The following GRID2 variants were observed in gnomAD, a reference collection of about 807,000 sequenced individuals.
GRID2 encodes the protein glutamate receptor ionotropic, delta-2.
GRID2 carries 33 observed loss-of-function variants against 114.8 expected under a neutral mutation model. The observed-to-expected ratio is 0.29, with a 90% CI of 0.22 to 0.38. GRID2 has a LOEUF of 0.38. GRID2 is among the 10% of genes least tolerant of loss of function. GRID2 has a pLI of 1.00. For missense variants in GRID2, 1,184 were observed against 1,257.7 expected (o/e 0.94, Z 0.89); for synonymous variants, 505 against 449.9 (o/e 1.12, Z -1.55).
At chr4:92,476,670 C>T (rs1044508001) in intron 1 of GRID2, among the ~76,000 whole-genome samples, 2 of 152,072 alleles carry the variant, frequency 1.3e-5, no homozygotes, top group African/African-American at 4.8e-5. Context: ...TAACCACTAA[C>T]TAAAGAAAAA....
At chr4:92,844,002 A>G (rs10155207) in intron 2 of GRID2, among the ~76,000 whole-genome samples, 4,665 of 152,226 alleles carry the variant, frequency 0.031, 108 homozygotes, top group Non-Finnish European at 0.046. Flanking sequence ...TTATTATATA[A>G]TATCAAATCC....
chr4:92,826,853 G>A (rs1741741391), intron 2 of GRID2, among the ~76,000 whole-genome samples: 1 of 152,010 alleles, frequency 6.6e-6, no homozygotes, highest in Admixed American at 6.6e-5. Context: ...TTATAGACTG[G>A]TAATTGGTTT....
chr4:93,376,797 C>A (rs1763422351), intron 8 of GRID2, among the ~76,000 whole-genome samples: 1 of 152,230 alleles, frequency 6.6e-6, no homozygotes, highest in East Asian at 1.9e-4. Context: ...GAAAGGGGAA[C>A]AACACACACT....
intron 2 of GRID2, among the ~76,000 whole-genome samples, chr4:92,932,441 C>CT (rs1286050162): frequency 6.6e-6 from 1 of 151,118 alleles, no homozygotes; most frequent in African/African-American, 2.4e-5. Flanking sequence ...CAATTGTAAA[C>CT]TATAGCTCCC....
intron 6 of GRID2, among the ~76,000 whole-genome samples, chr4:93,218,670 T>A (rs1744518558): frequency 1.3e-5 from 2 of 152,154 alleles, no homozygotes; most frequent in South Asian, 4.1e-4. Flanking sequence ...AAGTAAATCT[T>A]CTGAAGCCTT....
Position 93,429,903 on chromosome 4 carries a change from G to A in GRID2, c.1545+6935G>A, listed in dbSNP as rs868538686. Reference sequence around the variant, plus strand: ...ATGAGAGTAAAGAATGTTTTTGAAAGTAGACATATAATATTGGAGTATAAT... The same window carrying A: ...ATGAGAGTAAAGAATGTTTTTGAAAATAGACATATAATATTGGAGTATAAT... On this transcript the variant is annotated intron_variant, in intron 10 of 15. Coordinates refer to ENST00000282020, the MANE Select transcript of GRID2 (RefSeq NM_001510.4). Among the ~76,000 whole-genome samples, 8 of 152,172 alleles carry A rather than the reference G, an allele frequency of 5.3e-5. No individual in the cohort carries two copies. The South Asian group carries it at 1.7e-3, about 32-fold the overall frequency.
chr4:93,208,017 C>T (rs1037554954), intron 5 of GRID2, among the ~76,000 whole-genome samples: 29 of 151,740 alleles, frequency 1.9e-4, no homozygotes, highest in African/African-American at 6.5e-4. Flanking sequence ...AACCTAAAAG[C>T]CCTGGGAAAT....
At chr4:92,472,081 C>G (rs1203217411) in intron 1 of GRID2, among the ~76,000 whole-genome samples, 1 of 116,726 alleles carries the variant, frequency 8.6e-6, no homozygotes, top group Non-Finnish European at 1.8e-5. Flanking sequence ...CTACAGGCGC[C>G]CGCCACTACG....
chr4:92,935,221 A>G (rs1271080369), intron 2 of GRID2, among the ~76,000 whole-genome samples: 8 of 146,328 alleles, frequency 5.5e-5, no homozygotes, highest in Non-Finnish European at 1.2e-4. Context: ...AAAAGTGGGC[A>G]AAGGACATGA....
chr4:93,497,034 C>G (rs1016828602), intron 12 of GRID2, among the ~76,000 whole-genome samples: 1 of 151,406 alleles, frequency 6.6e-6, no homozygotes, highest in Admixed American at 6.6e-5. Context: ...GCATCTGTGT[C>G]AGCATTTGGT....
intron 13 of GRID2, among the ~76,000 whole-genome samples, chr4:93,625,130 T>G (rs1011269157): frequency 3.9e-5 from 6 of 152,188 alleles, no homozygotes; most frequent in African/African-American, 1.4e-4. Context: ...ACTTGCAGCT[T>G]TCATTTAGAA....
At chr4:93,017,806 G>GAAA (rs796967580) in intron 2 of GRID2, among the ~76,000 whole-genome samples, 2 of 49,306 alleles carry the variant, frequency 4.1e-5, no homozygotes, top group African/African-American at 7.0e-5. Flanking sequence ...TCCTTTTCAA[G>GAAA]AAAAAAAAAA....
intron 1 of GRID2, among the ~76,000 whole-genome samples, chr4:92,435,080 C>T (rs998442671): frequency 6.6e-6 from 1 of 152,098 alleles, no homozygotes; most frequent in African/African-American, 2.4e-5. Flanking sequence ...TTCATTTACA[C>T]AGGATTATGT....
chr4:93,671,283 G>A (rs1724389012), intron 14 of GRID2, among the ~76,000 whole-genome samples: 1 of 152,146 alleles, frequency 6.6e-6, no homozygotes, highest in South Asian at 2.1e-4. Context: ...TGTAAATGGA[G>A]GGATTTCCCT....
chr4:92,945,289 A>G (rs1751539989), intron 2 of GRID2, among the ~76,000 whole-genome samples: 1 of 152,166 alleles, frequency 6.6e-6, no homozygotes, highest in African/African-American at 2.4e-5. Flanking sequence ...ATTTTCTCTC[A>G]GAGTTTTAAA....
chr4:92,433,758 G>A (rs937075692), intron 1 of GRID2, among the ~76,000 whole-genome samples: 3 of 152,124 alleles, frequency 2.0e-5, no homozygotes, highest in Non-Finnish European at 4.4e-5. Flanking sequence ...CCTGTGGGGA[G>A]GATGAATACT....
At chr4:93,285,258 C>A (rs866305015) in intron 8 of GRID2, among the ~76,000 whole-genome samples, 4 of 152,076 alleles carry the variant, frequency 2.6e-5, no homozygotes, top group Admixed American at 6.6e-5. Context: ...CCTTTAAAGA[C>A]CAACTTTTTC....
chr4:93,137,771 A>T (rs1212136343), intron 4 of GRID2, among the ~76,000 whole-genome samples: 1 of 152,118 alleles, frequency 6.6e-6, no homozygotes, highest in Non-Finnish European at 1.5e-5. Flanking sequence ...ACATTTTATC[A>T]TGAAATCAAA....
At chr4:92,715,670 C>T (rs895787587) in intron 2 of GRID2, among the ~76,000 whole-genome samples, 3 of 152,072 alleles carry the variant, frequency 2.0e-5, no homozygotes, top group African/African-American at 7.2e-5. Flanking sequence ...TGCAGGGAAA[C>T]TACCCTTTTA....
Sources: allele counts gnomAD v4.1 joint callset (sites outside exome capture counted in the v4.1 genomes callset), GRCh38; gene constraint gnomAD v4.1.1; transcripts MANE v1.5; gene names NCBI Gene and HGNC (gene_info 2026-07-23, HGNC 2026-07-21).